The following ANGPTL3 variants were observed in gnomAD, a reference collection of about 807,000 sequenced individuals.
ANGPTL3 encodes angiopoietin like 3.
A neutral mutation model predicts 52.7 loss-of-function variants in ANGPTL3; 51 were observed. The ratio of observed to expected loss-of-function variants is 0.97; its 90% confidence interval spans 0.77 to 1.22. The LOEUF (loss-of-function observed/expected upper bound fraction) is 1.22, where lower values mean the gene tolerates loss of function less well. Ranked by LOEUF, ANGPTL3 falls within the 50% of genes most tolerant of loss-of-function variation. The pLI is 0.00. For synonymous variants in ANGPTL3, 185 were observed against 179.8 expected (o/e 1.03, Z -0.23); for missense variants, 506 against 520.7 (o/e 0.97, Z 0.27).
chr1:62,602,742 T>A (rs1385730407), intron 5 of ANGPTL3, among the ~76,000 whole-genome samples: 2 of 151,554 alleles, frequency 1.3e-5, no homozygotes, highest in Admixed American at 6.6e-5. Context: ...CATTAGTCAC[T>A]CTATTCTCTC....
At chr1:62,604,293 T>A (rs1208622859) in intron 6 of ANGPTL3, 58 bp downstream of exon 6, 52 of 1,588,120 alleles carry the variant, frequency 3.3e-5, no homozygotes, top group Non-Finnish European at 4.2e-5. Flanking sequence ...CTTCCCACAT[T>A]ATTAGCTATT....
intron 2 of ANGPTL3, 60 bp downstream of exon 2, chr1:62,598,866 T>A: frequency 9.9e-7 from 1 of 1,010,580 alleles, no homozygotes; most frequent in South Asian, 1.3e-5. Flanking sequence ...AAACACTGAA[T>A]CCTAAAATTA....
intron 6 of ANGPTL3, 66 bp downstream of exon 6, chr1:62,604,301 A>G (rs1352017088): frequency 3.2e-6 from 5 of 1,569,440 alleles, no homozygotes; most frequent in Non-Finnish European, 4.4e-6. Context: ...ATTATTAGCT[A>G]TTATCTGCAA....
chr1:62,604,715 GAGGAGA>G lies in ANGPTL3; in HGVS notation c.1284_1289del (p.Arg429_Arg430del). ...AACCAAGAGCAAAATCTAAGCCAGA[GAGGAGA>G]AGAGGATTATCTTGGAAGTCTCAAA... is the stretch of plus-strand genomic sequence containing the variant. On this transcript the variant is annotated inframe_deletion, in exon 7 of 7. Transcript: ENST00000371129. The G allele has an allele frequency of 6.2e-7, 1 of 1,613,188 alleles. No homozygotes were observed.
chr1:62,601,719 A>G (rs377002243), intron 3 of ANGPTL3, 50 bp from the exon 4 acceptor site: 13 of 1,268,286 alleles, frequency 1.0e-5, no homozygotes, highest in Non-Finnish European at 1.5e-5. Flanking sequence ...AGCTCCAAAG[A>G]TATTATTCCT....
chr1:62,604,661 A>C lies in ANGPTL3; in HGVS notation c.1227A>C (p.Gly409=). 6.2e-7 allele frequency: 1 copy of C among 1,613,284 alleles called. No homozygotes were observed. Among genetic ancestry groups the C allele is most frequent in the Non-Finnish European group, 8.5e-7 (1 of 1,179,404 alleles). The part of the protein sequence containing the change: ...SGGWWWHDEC[G]ENNLNGKYNK... Reference sequence around the variant, plus strand: ...GCTGGTGGTGGCATGATGAGTGTGGAGAAAACAACCTAAATGGTAAATATA... The same window carrying C: ...GCTGGTGGTGGCATGATGAGTGTGGCGAAAACAACCTAAATGGTAAATATA... Residue 409 remains glycine, a synonymous_variant, in exon 7 of 7, where the codon GGA becomes GGC. Coordinates refer to ENST00000371129, the MANE Select transcript of ANGPTL3 (RefSeq NM_014495.4).
chr1:62,602,662 CA>C (rs1412823821), intron 5 of ANGPTL3, among the ~76,000 whole-genome samples: 1 of 151,506 alleles, frequency 6.6e-6, no homozygotes, highest in Non-Finnish European at 1.5e-5. Context: ...TTATTAAAGA[CA>C]ATTTTGATTA....
In ANGPTL3 at chr1:62,597,846, G is replaced by C. The variant is rs1437052893; in HGVS notation, c.280G>C (p.Glu94Gln). ...ATCGCTGCAAACCAGTGAAATCAAA[G>C]AAGAAGAAAAGGAACTGAGAAGAAC... ...DLSLQTSEIK[E>Q]EEKELRRTTY... Residue 94 changes from glutamate to glutamine, a missense_variant, in exon 1 of 7, where the codon GAA (glutamate) becomes CAA (glutamine). Transcript: ENST00000371129. 6.2e-7 allele frequency: 1 copy of C among 1,603,962 alleles called. No individual in the cohort carries two copies.
Position 62,597,636 on chromosome 1 carries a change from T to C in ANGPTL3, c.70T>C (p.Ser24Pro), listed in dbSNP as rs751955393. 4.3e-6 allele frequency: 7 copies of C among 1,613,318 alleles called. No homozygotes were observed. Among genetic ancestry groups the C allele is most frequent in the Non-Finnish European group, 5.9e-6 (7 of 1,179,536 alleles). Reference sequence around the variant, plus strand: ...TTCCTCCAGAATTGATCAAGACAATTCATCATTTGATTCTCTATCTCCAGA... The same window carrying C: ...TTCCTCCAGAATTGATCAAGACAATCCATCATTTGATTCTCTATCTCCAGA... Reference protein sequence around the residue: ...VISSRIDQDNSSFDSLSPEPK... With the variant: ...VISSRIDQDNPSFDSLSPEPK... The change falls in exon 1 of 7, where the codon TCA becomes CCA. Residue 24 changes from serine to proline, a missense_variant. Ser to Pro is a moderately conservative substitution (Grantham distance 74). Transcript: ENST00000371129.
Position 62,605,919 on chromosome 1 carries a change from T to G in ANGPTL3, c.*1102T>G, listed in dbSNP as rs193064039. The G allele has an allele frequency of 5.9e-5, 9 of 152,178 alleles. No individual in the cohort carries two copies. Among genetic ancestry groups the G allele is most frequent in the Non-Finnish European group, 1.3e-4 (9 of 67,918 alleles). The allele number at this position is 152,178 out of a possible 1,614,324, so 9.4% of individuals were successfully genotyped here. A position where few individuals can be genotyped will look rare whatever the true frequency, so the allele number is the denominator to read the frequency against. ...CAGAATTTATTTTTAAATATGATTT[T>G]TTAAAACTGCCAGTAAGAAATTTTA... is the stretch of plus-strand genomic sequence containing the variant. On this transcript the variant is annotated 3_prime_UTR_variant, in exon 7 of 7. Coordinates refer to ENST00000371129, the MANE Select transcript of ANGPTL3 (RefSeq NM_014495.4).
chr1:62,600,788 C>A (rs1363291825), intron 2 of ANGPTL3, among the ~76,000 whole-genome samples: 1 of 151,730 alleles, frequency 6.6e-6, no homozygotes, highest in Non-Finnish European at 1.5e-5. Flanking sequence ...TAAAAGAATA[C>A]ATTACAATAT....
Position 62,601,158 on chromosome 1 carries a change from T to C in ANGPTL3, c.683T>C (p.Phe228Ser). Residue 228 changes from phenylalanine (F) to serine (S), a missense_variant, in exon 3 of 7, where the codon TTT (phenylalanine) becomes TCT (serine). By Grantham distance (155) the Phe-to-Ser change is radical. Transcript: ENST00000371129. ...CCAAGAGCACCAAGAACTACTCCCT[T>C]TCTTCAGTTGAATGAAATAAGAAAT... ...SKPRAPRTTP[F>S]LQLNEIRNVK... The C allele has an allele frequency of 6.2e-7, 1 of 1,610,584 alleles. No homozygotes were observed. Among genetic ancestry groups the C allele is most frequent in the East Asian group, 2.2e-5 (1 of 44,724 alleles).
intron 1 of ANGPTL3, 143 bp from the exon 2 acceptor site, chr1:62,598,553 A>C (rs2149527611): frequency 1.6e-6 from 1 of 625,494 alleles, no homozygotes. Flanking sequence ...TATTTGAAAG[A>C]AGCATACAAG....
chr1:62,598,105 G>A, intron 1 of ANGPTL3, 44 bp downstream of exon 1: 1 of 1,488,072 alleles, frequency 6.7e-7, no homozygotes. Flanking sequence ...TTTTCAATGT[G>A]GATCTTTTAA....
chr1:62,600,465 G>A (rs1649944750), intron 2 of ANGPTL3, among the ~76,000 whole-genome samples: 1 of 151,658 alleles, frequency 6.6e-6, no homozygotes, highest in Non-Finnish European at 1.5e-5. Context: ...TATATATTCT[G>A]CTTTTCTTAC....
rs1259584634 is a variant in ANGPTL3 at position 62,598,895 on chromosome 1, A to C, written c.606+89A>C. The C allele has an allele frequency of 1.2e-5, 10 of 808,344 alleles. No individual in the cohort carries two copies. The Admixed American group carries it at 1.8e-4, about 15-fold the overall frequency. The allele number at this position is 808,344 out of a possible 1,614,324, so 50.1% of individuals were successfully genotyped here. ...AAAATTATTTACAAGCTTTAACTGG[A>C]TCATGAGTAAAATTATCACATCAGC... On this transcript the variant is annotated intron_variant, in intron 2 of 6. Coordinates refer to ENST00000371129, the MANE Select transcript of ANGPTL3 (RefSeq NM_014495.4).
intron 1 of ANGPTL3, among the ~76,000 whole-genome samples, chr1:62,598,350 C>T (rs890245715): frequency 5.3e-5 from 8 of 151,722 alleles, no homozygotes; most frequent in Non-Finnish European, 8.8e-5. Context: ...TTGTAAATTA[C>T]TGAAGGTAAG....
intron 6 of ANGPTL3, 132 bp from the exon 7 acceptor site, chr1:62,604,501 T>C (rs1650654763): frequency 9.7e-7 from 1 of 1,029,772 alleles, no homozygotes. Context: ...ATACAGATTA[T>C]TTAAAACTGG....
At position 62,598,078 on chromosome 1, in the gene ANGPTL3, G is replaced by A; in HGVS notation, c.495+17G>A. On this transcript the variant is annotated intron_variant, in intron 1 of 6. Coordinates refer to ENST00000371129, the MANE Select transcript of ANGPTL3 (RefSeq NM_014495.4). ...TCACTTAAAGTAAGTAGAAAATAAA[G>A]AGGGTTCATGTTTATGTTTTCAATG... 1.9e-6 allele frequency: 3 copies of A among 1,566,220 alleles called. No individual in the cohort carries two copies. The highest frequency in any genetic ancestry group is 2.6e-6 in the Non-Finnish European group (3 of 1,162,518).
Sources: gnomAD v4.1 joint callset for allele counts (sites outside exome capture counted in the v4.1 genomes callset) on GRCh38, gnomAD v4.1.1 for gene constraint, MANE v1.5 for transcripts, NCBI Gene and HGNC (gene_info 2026-07-23, HGNC 2026-07-21) for gene names.